Variants in CCDC13 observed in about 807,000 individuals in gnomAD.
The protein encoded by CCDC13 is coiled-coil domain-containing protein 13.
Under a neutral mutation model 87.3 loss-of-function variants are expected in CCDC13, and 70 were observed. That is an observed-to-expected ratio of 0.80 (90% CI 0.66 to 0.98). CCDC13 has a LOEUF of 0.98. Among genes scored for constraint, CCDC13 ranks in the 50% least tolerant of loss-of-function variants. The pLI is 0.00. For missense variants in CCDC13, 842 were observed against 892.0 expected (o/e 0.94, Z 0.71); for synonymous variants, 317 against 360.3 (o/e 0.88, Z 1.36).
At position 42,727,169 on chromosome 3, in the gene CCDC13, C is replaced by T. The variant is rs147519958; in HGVS notation, c.1718+3298G>A. Reference sequence around the variant, plus strand: ...GGCAGATCACCTGAGGTCAGGAGTTCGAAATCAGCCTGGCCAACATGGTGA... The same window carrying T: ...GGCAGATCACCTGAGGTCAGGAGTTTGAAATCAGCCTGGCCAACATGGTGA... On this transcript the variant is annotated intron_variant, in intron 13 of 15. Coordinates refer to ENST00000310232, the MANE Select transcript of CCDC13 (RefSeq NM_144719.4). 5.2e-3 allele frequency among the ~76,000 whole-genome samples: 794 copies of T among 152,096 alleles called. 2 individuals are homozygous for T. Among genetic ancestry groups the T allele is most frequent in the Non-Finnish European group, 7.1e-3 (482 of 67,988 alleles).
intron 9 of CCDC13, among the ~76,000 whole-genome samples, chr3:42,736,194 G>A (rs1383811321): frequency 1.3e-5 from 2 of 152,218 alleles, no homozygotes; most frequent in Non-Finnish European, 2.9e-5. Context: ...ATCAGATGGT[G>A]ACTCCTCACC....
rs768248165 is a variant in CCDC13 at position 42,732,898 on chromosome 3, C to A, written c.1584G>T (p.Arg528Ser). The change falls in exon 12 of 16, where the codon AGG becomes AGT. Residue 528 changes from arginine (R) to serine (S), a missense_variant. Coordinates refer to ENST00000310232, the MANE Select transcript of CCDC13 (RefSeq NM_144719.4). ...LTRPSLPSPH[R>S]TSPRFSDSPE... is the part of the protein sequence containing the mutation. ...TCGGGGGTCCATACCTAGGTGAGGT[C>A]CTGTGGGGACTGGGCAGGGAAGGCC... is the stretch of plus-strand genomic sequence containing the variant. 5 of 1,553,260 alleles carry A rather than the reference C, an allele frequency of 3.2e-6. No homozygotes were observed. The South Asian group carries it at 5.9e-5, about 18-fold the overall frequency.
At chr3:42,756,131 G>A (rs1177177855) in intron 3 of CCDC13, among the ~76,000 whole-genome samples, 2 of 152,166 alleles carry the variant, frequency 1.3e-5, no homozygotes, top group African/African-American at 4.8e-5. Context: ...ATCCTCAAAC[G>A]CATTTACTCT....
intron 3 of CCDC13, among the ~76,000 whole-genome samples, chr3:42,756,365 T>C (rs1392272981): frequency 6.6e-6 from 1 of 151,994 alleles, no homozygotes; most frequent in Non-Finnish European, 1.5e-5. Flanking sequence ...TGATCAAAGG[T>C]CATTCCCAGA....
At chr3:42,767,411 T>A (rs1699952202) in intron 1 of CCDC13, among the ~76,000 whole-genome samples, 1 of 152,220 alleles carries the variant, frequency 6.6e-6, no homozygotes, top group African/African-American at 2.4e-5. Context: ...GGGAAAAGAC[T>A]ATAAACTATA....
chr3:42,759,078 T>G (rs339677), intron 1 of CCDC13, among the ~76,000 whole-genome samples: 2,144 of 152,338 alleles, frequency 0.014, 54 homozygotes, highest in African/African-American at 0.049. Context: ...CACAGCACTT[T>G]GGGAGGCCAA....
At chr3:42,742,417 G>A (rs1699249215) in intron 8 of CCDC13, among the ~76,000 whole-genome samples, 1 of 152,184 alleles carries the variant, frequency 6.6e-6, no homozygotes, top group South Asian at 2.1e-4. Context: ...CCTCTGGATT[G>A]TTCGTTTACA....
Position 42,728,578 on chromosome 3 carries a change from A to T in CCDC13, c.1718+1889T>A, listed in dbSNP as rs138054031. Among the ~76,000 whole-genome samples the T allele has an allele frequency of 4.1e-4, 63 of 152,344 alleles. 1 individual carries two copies. The highest frequency in any genetic ancestry group is 3.3e-3 in the South Asian group (16 of 4,826). On this transcript the variant is annotated intron_variant, in intron 13 of 15. Coordinates refer to ENST00000310232, the MANE Select transcript of CCDC13 (RefSeq NM_144719.4). ...CCAATCATCAGTTTTGAAAGGAATC[A>T]TCATTTTTGATGATTGGCCAATTTA...
intron 13 of CCDC13, 76 bp downstream of exon 13, chr3:42,730,391 A>C (rs1698795460): frequency 1.3e-6 from 2 of 1,564,964 alleles, no homozygotes. Context: ...AGGAGGACCC[A>C]GTCATAAATG....
At chr3:42,730,387 A>T in intron 13 of CCDC13, 80 bp downstream of exon 13, 3 of 1,557,106 alleles carry the variant, frequency 1.9e-6, no homozygotes, top group Non-Finnish European at 2.6e-6. Context: ...GGTGAGGAGG[A>T]CCCAGTCATA....
intron 14 of CCDC13, among the ~76,000 whole-genome samples, chr3:42,710,279 T>C (rs1698279948): frequency 1.3e-5 from 2 of 151,984 alleles, no homozygotes; most frequent in Non-Finnish European, 2.9e-5. Flanking sequence ...AATTATTGTA[T>C]TTTTTGCAGA....
In CCDC13 at chr3:42,758,309, G is replaced by A. The variant is rs1310624787; in HGVS notation, c.37C>T (p.Leu13Phe). ...ADESSQNTLRLQFKAMQEMQH... is the reference protein window; with the variant it reads ...ADESSQNTLRFQFKAMQEMQH... ...ATCTCCTGCATTGCCTTGAACTGGAGCCGCAAAGTGTTCTGTGAGCTTTCA... is the reference window on the plus strand; with the variant it reads ...ATCTCCTGCATTGCCTTGAACTGGAACCGCAAAGTGTTCTGTGAGCTTTCA... Residue 13 changes from leucine to phenylalanine, a missense_variant, in exon 2 of 16, where the codon CTC becomes TTC. Physicochemically the swap from Leu to Phe is conservative, Grantham distance 22. Transcript: ENST00000310232. 6.2e-7 allele frequency: 1 copy of A among 1,612,966 alleles called. No homozygotes were observed. The highest frequency in any genetic ancestry group is 2.2e-5 in the East Asian group (1 of 44,896).
rs375700004 is a variant in CCDC13, at chr3:42,743,272, G to A, written c.826-215C>T. Among the ~76,000 whole-genome samples, 14 of 152,020 alleles carry A rather than the reference G, an allele frequency of 9.2e-5. No homozygotes were observed. In the East Asian group the frequency reaches 1.2e-3, roughly 13 times the overall value. ...CCAGGAAAGTTCAGCTTAGAAAAATGGTGAATGAGAAAAATCACCCTATCT... is the reference window on the plus strand; with the variant it reads ...CCAGGAAAGTTCAGCTTAGAAAAATAGTGAATGAGAAAAATCACCCTATCT... On this transcript the variant is annotated intron_variant, in intron 7 of 15. Transcript: ENST00000310232.
intron 13 of CCDC13, among the ~76,000 whole-genome samples, chr3:42,722,797 T>A (rs1161013317): frequency 7.0e-6 from 1 of 143,584 alleles, no homozygotes; most frequent in Admixed American, 6.9e-5. Flanking sequence ...TTTACTTTTT[T>A]TTTTTTTTTT....
At position 42,742,906 on chromosome 3, in the gene CCDC13, T is replaced by C. The variant is rs1699264625; in HGVS notation, c.977A>G (p.Glu326Gly). The C allele has an allele frequency of 6.2e-7, 1 of 1,614,082 alleles. No individual in the cohort carries two copies. Among genetic ancestry groups the C allele is most frequent in the Non-Finnish European group, 8.5e-7 (1 of 1,179,964 alleles). ...TCAGGCACGCGTTACCTCCAAGCCT[T>C]CCTGTTTTTCCCTTTCCAGGCTGCG... ...RIRSLEREKQ[E>G]GLEKLASERD... is the part of the protein sequence containing the mutation. The change falls in exon 8 of 16, where the codon GAA becomes GGA. Residue 326 changes from glutamate to glycine, a missense_variant. Glu to Gly is a moderately conservative substitution (Grantham distance 98). Coordinates refer to ENST00000310232, the MANE Select transcript of CCDC13 (RefSeq NM_144719.4).
chr3:42,766,132 C>A (rs919838742), intron 1 of CCDC13, among the ~76,000 whole-genome samples: 1 of 152,104 alleles, frequency 6.6e-6, no homozygotes, highest in African/African-American at 2.4e-5. Context: ...GAAACCTAGG[C>A]GGTTTGGGTT....
intron 14 of CCDC13, among the ~76,000 whole-genome samples, chr3:42,712,037 C>T (rs962857541): frequency 2.1e-4 from 32 of 152,094 alleles, no homozygotes; most frequent in African/African-American, 6.5e-4. Context: ...TCCTTCCCGG[C>T]CTGGATTCTC....
chr3:42,742,701 T>C (rs1699258277), intron 8 of CCDC13, among the ~76,000 whole-genome samples, 195 bp downstream of exon 8: 1 of 152,092 alleles, frequency 6.6e-6, no homozygotes, highest in Non-Finnish European at 1.5e-5. Flanking sequence ...GGGCTCACAG[T>C]GAGGTCCCAG....
chr3:42,708,401 C>T lies in CCDC13; in HGVS notation c.*579G>A, dbSNP rs930729359. On this transcript the variant is annotated 3_prime_UTR_variant, in exon 16 of 16. Transcript: ENST00000310232. ...GGGAGCTGCAGTGATTATGAAAATA[C>T]TTATTATTATTACAAGTCCAAGGGT... The T allele has an allele frequency of 1.4e-4, 21 of 152,296 alleles. No homozygotes were observed. The highest frequency in any genetic ancestry group is 4.6e-4 in the Admixed American group (7 of 15,296). The allele number at this position is 152,296 out of a possible 1,614,324, so 9.4% of individuals were successfully genotyped here.
Sources: gnomAD v4.1 joint callset for allele counts (sites outside exome capture counted in the v4.1 genomes callset) on GRCh38, gnomAD v4.1.1 for gene constraint, MANE v1.5 for transcripts, NCBI Gene and HGNC (gene_info 2026-07-23, HGNC 2026-07-21) for gene names.